MYT1: variants seen among roughly 807,000 people sequenced by gnomAD.
MYT1 encodes the protein myelin transcription factor 1.
A neutral mutation model predicts 123.0 loss-of-function variants in MYT1; 23 were observed. That is an observed-to-expected ratio of 0.19 (90% CI 0.13 to 0.26). MYT1 has a LOEUF of 0.26. Ranked by LOEUF, MYT1 falls within the 10% of genes least tolerant of loss-of-function variation. The probability of loss-of-function intolerance (pLI) is 1.00; values close to 1 mark genes in which losing one functional copy is unlikely to be tolerated. For synonymous variants in MYT1, 518 were observed against 575.3 expected (o/e 0.90, Z 1.43); for missense variants, 1,125 against 1,472.5 (o/e 0.76, Z 3.86).
In MYT1 at chr20:64,192,480, A is replaced by C. The variant is rs530493896; in HGVS notation, c.-1+2320A>C. 6.6e-6 allele frequency among the ~76,000 whole-genome samples: 1 copy of C among 152,276 alleles called. No homozygotes were observed. Among genetic ancestry groups the C allele is most frequent in the South Asian group, 2.1e-4 (1 of 4,822 alleles). ...TCAGCCTTCCAGAGGCTGGCTTCGG[A>C]CAGGAGATGGGTGGTGAGGAGCCAG... On this transcript the variant is annotated intron_variant, in intron 2 of 22. Transcript: ENST00000328439. The surrounding 1 kb of genome is among the most constrained non-coding windows in gnomAD (Gnocchi z 5.3).
intron 1 of MYT1, among the ~76,000 whole-genome samples, chr20:64,181,357 G>GGT (rs1396664259): frequency 2.0e-5 from 3 of 151,740 alleles, no homozygotes; most frequent in Non-Finnish European, 4.4e-5. Flanking sequence ...TCCCAAATCG[G>GGT]GTGTCAGTCC....
chr20:64,196,303 A>G lies in MYT1; in HGVS notation c.1-2559A>G, dbSNP rs943817647. Reference sequence around the variant, plus strand: ...CTGCCGTCCAGGGATCACCAAGGTGAGCCTGGGTGGTGCTGGGCACAGGGC... The same window carrying G: ...CTGCCGTCCAGGGATCACCAAGGTGGGCCTGGGTGGTGCTGGGCACAGGGC... On this transcript the variant is annotated intron_variant, in intron 2 of 22. Transcript: ENST00000328439. The surrounding 1 kb of genome is among the most constrained non-coding windows in gnomAD (Gnocchi z 4.3). 6.6e-6 allele frequency among the ~76,000 whole-genome samples: 1 copy of G among 152,210 alleles called. No homozygotes were observed. Among genetic ancestry groups the G allele is most frequent in the Non-Finnish European group, 1.5e-5 (1 of 68,036 alleles).
At chr20:64,187,346 A>G (rs982345940) in intron 1 of MYT1, among the ~76,000 whole-genome samples, 11 of 137,098 alleles carry the variant, frequency 8.0e-5, no homozygotes, top group Admixed American at 7.4e-5. Flanking sequence ...GTTTTCCTGT[A>G]GCCTGTGGCC....
At chr20:64,227,715 G>A (rs757750975) in intron 17 of MYT1, among the ~76,000 whole-genome samples, 173 bp from the exon 18 acceptor site, 21 of 152,154 alleles carry the variant, frequency 1.4e-4, no homozygotes, top group Non-Finnish European at 2.9e-4. Context: ...CTGCTGCCTC[G>A]TGTGAAGGCT....
intron 1 of MYT1, among the ~76,000 whole-genome samples, chr20:64,180,638 T>G (rs1351903430): frequency 6.6e-6 from 1 of 152,240 alleles, no homozygotes; most frequent in African/African-American, 2.4e-5. Flanking sequence ...ACTTTGGGGT[T>G]CACAGGGTGT....
chr20:64,207,925 A>C lies in MYT1; in HGVS notation c.729A>C (p.Ala243=). ...TGTGTCCCCAGTCCCTGGAGGATGC[A>C]GCCAGTGAGGAGTCCAGCAAGCAGA... ...QDLCPQSLED[A]ASEESSKQKG... Residue 243 remains alanine, a synonymous_variant, in exon 7 of 23, where the codon GCA becomes GCC. Transcript: ENST00000328439. The C allele has an allele frequency of 6.2e-7, 1 of 1,612,152 alleles. No individual in the cohort carries two copies. The highest frequency in any genetic ancestry group is 8.5e-7 in the Non-Finnish European group (1 of 1,179,416).
At chr20:64,188,715 C>T (rs9973997) in intron 1 of MYT1, among the ~76,000 whole-genome samples, 1 of 152,210 alleles carries the variant, frequency 6.6e-6, no homozygotes, top group Non-Finnish European at 1.5e-5. Flanking sequence ...CCGCTCACAC[C>T]GGCTCAGTGC....
At position 64,167,837 on chromosome 20, in the gene MYT1, G is replaced by A. The variant is rs1982128637; in HGVS notation, c.-99+3098G>A. Reference sequence around the variant, plus strand: ...GTTGTCTACAGATGTAATTTTAACAGGAATGTTGTGGTGTGAGTTTACAGG... The same window carrying A: ...GTTGTCTACAGATGTAATTTTAACAAGAATGTTGTGGTGTGAGTTTACAGG... On this transcript the variant is annotated intron_variant, in intron 1 of 22. Coordinates refer to ENST00000328439, the MANE Select transcript of MYT1 (RefSeq NM_004535.3). The surrounding 1 kb of genome is among the most constrained non-coding windows in gnomAD (Gnocchi z 6.3). 6.6e-6 allele frequency among the ~76,000 whole-genome samples: 1 copy of A among 152,208 alleles called. No individual in the cohort carries two copies. The highest frequency in any genetic ancestry group is 1.5e-5 in the Non-Finnish European group (1 of 68,038).
At chr20:64,198,013 C>T (rs917750162) in intron 2 of MYT1, among the ~76,000 whole-genome samples, 2 of 152,110 alleles carry the variant, frequency 1.3e-5, no homozygotes, top group African/African-American at 4.8e-5. Flanking sequence ...GGGCCGGGCG[C>T]GGTGGCTCAC....
In MYT1 at chr20:64,237,405, C is replaced by A; in HGVS notation, c.3093+15C>A. On this transcript the variant is annotated intron_variant, in intron 21 of 22. Transcript: ENST00000328439. The stretch of plus-strand genomic sequence containing the variant: ...TGCAGTCCCAGGTAGGTGGTGCCGC[C>A]CCCCGCTCCTGGGCTCTTTGCCCAC... 1 of 1,583,506 alleles carries A rather than the reference C, an allele frequency of 6.3e-7. No homozygotes were observed. Among genetic ancestry groups the A allele is most frequent in the Non-Finnish European group, 8.6e-7 (1 of 1,163,154 alleles).
At chr20:64,240,064 G>T (rs1344218898) in intron 22 of MYT1, among the ~76,000 whole-genome samples, 161 bp downstream of exon 22, 1 of 152,238 alleles carries the variant, frequency 6.6e-6, no homozygotes, top group Non-Finnish European at 1.5e-5. Context: ...CCGGGCTGTT[G>T]GCTGTGGTGG....
In MYT1 at chr20:64,192,944, G is replaced by A. The variant is rs1983007354; in HGVS notation, c.-1+2784G>A. Among the ~76,000 whole-genome samples, 1 of 152,184 alleles carries A rather than the reference G, an allele frequency of 6.6e-6. No individual in the cohort carries two copies. The highest frequency in any genetic ancestry group is 2.4e-5 in the African/African-American group (1 of 41,442). The stretch of plus-strand genomic sequence containing the variant: ...TTGCAGATATGGCTGCTTCATCAGG[G>A]TATCCATTATGTAGCTCTAATTTTT... On this transcript the variant is annotated intron_variant, in intron 2 of 22. Transcript: ENST00000328439. The surrounding 1 kb of genome is among the most constrained non-coding windows in gnomAD (Gnocchi z 5.3).
intron 4 of MYT1, among the ~76,000 whole-genome samples, chr20:64,204,497 A>T (rs1983421406): frequency 6.6e-6 from 1 of 152,154 alleles, no homozygotes; most frequent in Non-Finnish European, 1.5e-5. Context: ...CACTGGTGGG[A>T]TCTTCACCAC....
chr20:64,186,934 T>C lies in MYT1; in HGVS notation c.-98-3129T>C, dbSNP rs1016175275. On this transcript the variant is annotated intron_variant, in intron 1 of 22. Transcript: ENST00000328439. This position sits in a 1 kb window ranked among gnomAD's most constrained non-coding sequence, Gnocchi z 4.3. ...GGCATCCATGTTTCCGTGGAGAGTT[T>C]TCCTGTAGCACGTGGCTCCGGCATC... Among the ~76,000 whole-genome samples, 3 of 149,548 alleles carry C rather than the reference T, an allele frequency of 2.0e-5. No individual in the cohort carries two copies. Among genetic ancestry groups the C allele is most frequent in the Non-Finnish European group, 3.0e-5 (2 of 67,418 alleles).
chr20:64,184,223 A>G (rs1299297455), intron 1 of MYT1, among the ~76,000 whole-genome samples: 1 of 152,070 alleles, frequency 6.6e-6, no homozygotes, highest in African/African-American at 2.4e-5. Context: ...CTAAGAAACC[A>G]TTGCTGAACC....
At chr20:64,195,880 A>T (rs1347083651) in intron 2 of MYT1, among the ~76,000 whole-genome samples, 1 of 152,226 alleles carries the variant, frequency 6.6e-6, no homozygotes, top group African/African-American at 2.4e-5. Flanking sequence ...TATACAATGT[A>T]TTTGCATTTA....
At chr20:64,219,148 G>A (rs1983923526) in intron 12 of MYT1, 113 bp downstream of exon 12, 1 of 1,365,796 alleles carries the variant, frequency 7.3e-7, no homozygotes, top group Non-Finnish European at 9.9e-7. Flanking sequence ...GTGCCTAGCT[G>A]GCAATTCTCA....
intron 4 of MYT1, 73 bp downstream of exon 4, chr20:64,199,995 A>C (rs762919782): frequency 8.2e-5 from 129 of 1,569,868 alleles, no homozygotes; most frequent in Non-Finnish European, 1.1e-4. Flanking sequence ...TAAATGTCCC[A>C]AACGGGGTCT....
At chr20:64,205,465 G>C in intron 5 of MYT1, 88 bp from the exon 6 acceptor site, 1 of 1,545,514 alleles carries the variant, frequency 6.5e-7, no homozygotes, top group Non-Finnish European at 8.7e-7. Context: ...AGGGAGGGAG[G>C]GAGGACCCTC....
Sources: gnomAD v4.1 joint callset for allele counts (sites outside exome capture counted in the v4.1 genomes callset) on GRCh38, gnomAD v4.1.1 for gene constraint, Gnocchi (gnomAD v3.1) non-coding constraint, MANE v1.5 for transcripts, NCBI Gene and HGNC (gene_info 2026-07-23, HGNC 2026-07-21) for gene names.